The following JUP variants were observed in gnomAD, a reference collection of about 807,000 sequenced individuals.
JUP encodes junction plakoglobin.
JUP carries 28 observed loss-of-function variants against 71.1 expected under a neutral mutation model. The ratio of observed to expected loss-of-function variants is 0.39; its 90% CI spans 0.29 to 0.54. The LOEUF is 0.54. Among genes scored for constraint, JUP ranks in the 20% least tolerant of loss-of-function variants. The pLI is 0.62. For synonymous variants in JUP, 401 were observed against 438.9 expected (o/e 0.91, Z 1.08); for missense variants, 869 against 1,030.1 (o/e 0.84, Z 2.14).
intron 1 of JUP, among the ~76,000 whole-genome samples, chr17:41,778,071 C>T (rs1314390634): frequency 6.6e-6 from 1 of 152,336 alleles, no homozygotes; most frequent in East Asian, 1.9e-4. Flanking sequence ...CAACCACCAC[C>T]AGTGGGGCTT....
chr17:41,766,887 G>GA (rs369607817), intron 5 of JUP, among the ~76,000 whole-genome samples: 6 of 148,588 alleles, frequency 4.0e-5, no homozygotes, highest in Admixed American at 1.4e-4. Flanking sequence ...AAAAGAAAAG[G>GA]AAAAAAAAAA....
At chr17:41,772,111 A>G (rs1916754151) in intron 1 of JUP, 3 of 584,000 alleles carry the variant, frequency 5.1e-6, no homozygotes, top group African/African-American at 1.9e-5. Context: ...CTGGGCTTGC[A>G]TCTCTGACCT....
Position 41,771,839 on chromosome 17 carries a change from G to C in JUP, c.16C>G (p.Leu6Val). 6.2e-7 allele frequency: 1 copy of C among 1,612,906 alleles called. No individual in the cohort carries two copies. The highest frequency in any genetic ancestry group is 8.5e-7 in the Non-Finnish European group (1 of 1,179,502). The change falls in exon 2 of 14, where the codon CTG (leucine) becomes GTG (valine). Residue 6 changes from leucine (L) to valine (V), a missense_variant. Coordinates refer to ENST00000393931, the MANE Select transcript of JUP (RefSeq NM_002230.4). ...GTCACCTTGATAGGCTGCTCCATCA[G>C]GTTCATCACCTCCATCGTGGCTACT... MEVMN[L>V]MEQPIKVTEW...
rs1454514424 is a variant in JUP, at chr17:41,771,660, C to G, written c.195G>C (p.Val65=). ...LKKTTTYTQG[V]PPSQGDLEYQ... ...AGGGGTCCTGACCTTGGCTGGGGGG[C>G]ACCCCCTGGGTGTAAGTGGTGGTTT... The change falls in exon 2 of 14, where the codon GTG becomes GTC. Residue 65 remains valine, a synonymous_variant. Coordinates refer to ENST00000393931, the MANE Select transcript of JUP (RefSeq NM_002230.4). The G allele has an allele frequency of 2.5e-6, 4 of 1,613,630 alleles. No individual in the cohort carries two copies. The South Asian group carries it at 4.4e-5, about 18-fold the overall frequency.
At position 41,755,577 on chromosome 17, in the gene JUP, A is replaced by G; in HGVS notation, c.*167T>C. 1.7e-6 allele frequency: 1 copy of G among 601,748 alleles called. No homozygotes were observed. Among genetic ancestry groups the G allele is most frequent in the Non-Finnish European group, 2.6e-6 (1 of 377,530 alleles). 37.3% of individuals were successfully genotyped at this position (601,748 alleles called of 1,614,324 possible). A position where few individuals can be genotyped will look rare whatever the true frequency, so the allele number is the denominator to read the frequency against. Reference sequence around the variant, plus strand: ...TCCCCATCCCCACCAAAGACACAAGAAGAAGGCAGGCCAGGGCACACCGTG... The same window carrying G: ...TCCCCATCCCCACCAAAGACACAAGGAGAAGGCAGGCCAGGGCACACCGTG... On this transcript the variant is annotated 3_prime_UTR_variant, in exon 14 of 14. Transcript: ENST00000393931.
Position 41,771,391 on chromosome 17 carries a change from A to C in JUP, c.208+256T>G. The C allele has an allele frequency of 1.1e-5, 6 of 569,744 alleles. No individual in the cohort carries two copies. In the East Asian group the frequency reaches 1.8e-4, roughly 17 times the overall value. The allele number at this position is 569,744 out of a possible 1,614,324, so 35.3% of individuals were successfully genotyped here. Reference sequence around the variant, plus strand: ...GACTATGGCTTTTCCTTCAGACTGGAGGCACCCTAAGGGCAGGGACTATGC... The same window carrying C: ...GACTATGGCTTTTCCTTCAGACTGGCGGCACCCTAAGGGCAGGGACTATGC... On this transcript the variant is annotated intron_variant, in intron 2 of 13. Coordinates refer to ENST00000393931, the MANE Select transcript of JUP (RefSeq NM_002230.4).
At chr17:41,759,007 A>G (rs1397086996) in intron 8 of JUP, 137 bp from the exon 9 acceptor site, 7 of 860,858 alleles carry the variant, frequency 8.1e-6, no homozygotes, top group Non-Finnish European at 1.2e-5. Context: ...GAAAATATCC[A>G]GAGAAGGAGA....
chr17:41,762,861 T>TA (rs1352854544), intron 8 of JUP, 122 bp downstream of exon 8: 2 of 761,848 alleles, frequency 2.6e-6, no homozygotes, highest in African/African-American at 3.5e-5. Flanking sequence ...GAGAGAGAAA[T>TA]AAACTTCTGT....
At chr17:41,756,140 T>C in intron 13 of JUP, 35 bp downstream of exon 13, 1 of 1,606,376 alleles carries the variant, frequency 6.2e-7, no homozygotes, top group Non-Finnish European at 8.5e-7. Context: ...CCGCCCAGGA[T>C]CTCCAGGGTC....
intron 12 of JUP, 72 bp downstream of exon 12, chr17:41,757,343 C>T (rs1474775722): frequency 1.3e-6 from 2 of 1,538,406 alleles, no homozygotes; most frequent in African/African-American, 1.4e-5. Context: ...GTAGGAGACC[C>T]CCAAAAGTGT....
intron 7 of JUP, 75 bp downstream of exon 7, chr17:41,764,638 C>T: frequency 8.5e-7 from 1 of 1,179,726 alleles, no homozygotes; most frequent in Non-Finnish European, 1.3e-6. Flanking sequence ...CACAGTACCT[C>T]AGGTCAGATG....
chr17:41,768,945 C>T (rs922921377), intron 4 of JUP, 24 bp downstream of exon 4: 2 of 1,562,780 alleles, frequency 1.3e-6, no homozygotes, highest in African/African-American at 2.7e-5. Flanking sequence ...GTCCTGGGCT[C>T]ATGCAGTGAG....
At chr17:41,762,454 A>G (rs782171230) in intron 8 of JUP, among the ~76,000 whole-genome samples, 1 of 151,938 alleles carries the variant, frequency 6.6e-6, no homozygotes, top group Admixed American at 6.6e-5. Context: ...GCACTGATGC[A>G]ATCATAGCTC....
chr17:41,755,702 G>T lies in JUP; in HGVS notation c.*42C>A. On this transcript the variant is annotated 3_prime_UTR_variant, in exon 14 of 14. Transcript: ENST00000393931. Reference sequence around the variant, plus strand: ...CAACAGAAGGAGGTTCTAGAGAGGAGGAAAAGCCTGCAAAGAGGGGGCCGT... The same window carrying T: ...CAACAGAAGGAGGTTCTAGAGAGGATGAAAAGCCTGCAAAGAGGGGGCCGT... 1 of 1,518,438 alleles carries T rather than the reference G, an allele frequency of 6.6e-7. No individual in the cohort carries two copies. Among genetic ancestry groups the T allele is most frequent in the Admixed American group, 2.1e-5 (1 of 48,780 alleles). The allele number at this position is 1,518,438 out of a possible 1,614,324, so 94.1% of individuals were successfully genotyped here.
intron 12 of JUP, among the ~76,000 whole-genome samples, chr17:41,756,616 A>G (rs967606347): frequency 6.6e-6 from 1 of 151,116 alleles, no homozygotes; most frequent in African/African-American, 2.4e-5. Flanking sequence ...AATAAAAAAT[A>G]GGCTGGGCGC....
chr17:41,784,211 C>T (rs868959625), intron 1 of JUP, among the ~76,000 whole-genome samples: 8 of 152,058 alleles, frequency 5.3e-5, no homozygotes, highest in Admixed American at 1.3e-4. Flanking sequence ...AGCCCTAGCC[C>T]GACCTTTTTC....
intron 1 of JUP, among the ~76,000 whole-genome samples, chr17:41,774,116 G>C (rs1917081689): frequency 6.6e-6 from 1 of 151,930 alleles, no homozygotes; most frequent in Non-Finnish European, 1.5e-5. Context: ...CCACAGTCAA[G>C]CTGAGGAACT....
chr17:41,756,686 C>G (rs1913841013), intron 12 of JUP, among the ~76,000 whole-genome samples: 1 of 152,064 alleles, frequency 6.6e-6, no homozygotes, highest in Non-Finnish European at 1.5e-5. Flanking sequence ...ATCACAAGGT[C>G]AGGAGACAAT....
intron 1 of JUP, among the ~76,000 whole-genome samples, chr17:41,777,223 C>T (rs2143818087): frequency 6.6e-6 from 1 of 152,248 alleles, no homozygotes; most frequent in Non-Finnish European, 1.5e-5. Flanking sequence ...CAGGTGGAGA[C>T]ACTGGCTGCC....
Sources: allele counts gnomAD v4.1 joint callset (sites outside exome capture counted in the v4.1 genomes callset), GRCh38; gene constraint gnomAD v4.1.1; transcripts MANE v1.5; gene names NCBI Gene and HGNC (gene_info 2026-07-23, HGNC 2026-07-21).